The following ERCC5 variants were observed in gnomAD, a reference collection of about 807,000 sequenced individuals.
ERCC5 encodes DNA excision repair protein ERCC-5.
In ERCC5, 68 loss-of-function variants were observed where a neutral mutation model predicts 105.6. The observed-to-expected ratio is 0.64, with a 90% CI of 0.53 to 0.79. ERCC5 has a LOEUF of 0.79. ERCC5 is among the 30% of genes least tolerant of loss of function. The pLI is 0.00. For synonymous variants in ERCC5, 546 were observed against 526.2 expected (o/e 1.04, Z -0.51); for missense variants, 1,373 against 1,426.7 (o/e 0.96, Z 0.61).
chr13:102,855,899 G>T (rs1473121755), intron 4 of ERCC5, among the ~76,000 whole-genome samples, 153 bp from the exon 5 acceptor site: 1 of 152,150 alleles, frequency 6.6e-6, no homozygotes, highest in Non-Finnish European at 1.5e-5. Context: ...ACTTACACGT[G>T]TCCCCCACCA....
chr13:102,856,210 C>A, intron 5 of ERCC5, 98 bp downstream of exon 5: 1 of 1,323,538 alleles, frequency 7.6e-7, no homozygotes, highest in Non-Finnish European at 1.1e-6. Context: ...GTGAAAGTTC[C>A]TGATAAAAAG....
rs763645240 is a variant in ERCC5, at chr13:102,858,421, G to A, written c.672+3G>A. 1.2e-6 allele frequency: 2 copies of A among 1,614,102 alleles called. No individual in the cohort carries two copies. Among genetic ancestry groups the A allele is most frequent in the Non-Finnish European group, 1.7e-6 (2 of 1,179,998 alleles). ...CATTATTTGAAGCAATGCCAGAGGT[G>A]AAATATGCAACAGTACATTCATGCT... On this transcript the variant is annotated splice_donor_region_variant and intron_variant, in intron 6 of 14. Coordinates refer to ENST00000652225, the MANE Select transcript of ERCC5 (RefSeq NM_000123.4).
rs1882697457 is a variant in ERCC5, at chr13:102,862,923, G to T, written c.1774G>T (p.Val592Phe). 7.4e-6 allele frequency: 12 copies of T among 1,614,212 alleles called. No individual in the cohort carries two copies. The highest frequency in any genetic ancestry group is 9.3e-6 in the Non-Finnish European group (11 of 1,180,040). Residue 592 changes from valine to phenylalanine, a missense_variant, in exon 8 of 15, where the codon GTC becomes TTC. By Grantham distance (50) the Val-to-Phe change is conservative. This residue lies in a region of ERCC5 where 1,004 missense variants were observed against 1,059.7 expected (regional missense o/e 0.95). Transcript: ENST00000652225. ...SLQETSSIVS[V>F]PSEAVDNVEN... ...GCAAGAAACAAGTAGCATAGTAAGT[G>T]TCCCTTCAGAGGCAGTAGATAATGT...
chr13:102,849,793 T>C (rs1882129597), intron 1 of ERCC5, among the ~76,000 whole-genome samples: 1 of 152,186 alleles, frequency 6.6e-6, no homozygotes, highest in Non-Finnish European at 1.5e-5. Context: ...TTTTGTTCAG[T>C]GCACTGGATA....
At position 102,846,288 on chromosome 13, in the gene ERCC5, A is replaced by G; in HGVS notation, c.22A>G (p.Lys8Glu). The change falls in exon 1 of 15, where the codon AAG becomes GAG. Residue 8 changes from lysine to glutamate, a missense_variant. Coordinates refer to ENST00000652225, the MANE Select transcript of ERCC5 (RefSeq NM_000123.4). MGVQGLW[K>E]LLECSGRQVS... is the part of the protein sequence containing the mutation. ...CCTCATGGGGGTCCAGGGGCTCTGG[A>G]AGCTGCTGGAGTGCTCCGGGCGGCA... The G allele has an allele frequency of 6.2e-7, 1 of 1,613,782 alleles. No homozygotes were observed. The highest frequency in any genetic ancestry group is 1.1e-5 in the South Asian group (1 of 91,004).
intron 13 of ERCC5, 136 bp from the exon 14 acceptor site, chr13:102,873,123 T>C: frequency 1.1e-6 from 1 of 947,272 alleles, no homozygotes; most frequent in Non-Finnish European, 1.6e-6. Context: ...TACTTTCTTT[T>C]AGCACTCTAA....
In ERCC5 at chr13:102,861,695, A is replaced by G. The variant is rs769343328; in HGVS notation, c.861A>G (p.Ser287=). 1 of 1,614,188 alleles carries G rather than the reference A, an allele frequency of 6.2e-7. No homozygotes were observed. Among genetic ancestry groups the G allele is most frequent in the Non-Finnish European group, 8.5e-7 (1 of 1,180,016 alleles). The change falls in exon 7 of 15, where the codon TCA becomes TCG. Residue 287 remains serine, a synonymous_variant. Coordinates refer to ENST00000652225, the MANE Select transcript of ERCC5 (RefSeq NM_000123.4). The part of the protein sequence containing the change: ...ESRRVVSEDT[S]HYILIKGIQA... ...GGAGAGTGGTCTCTGAAGACACTTCACATTACATCTTGATAAAAGGTATCA... is the reference window on the plus strand; with the variant it reads ...GGAGAGTGGTCTCTGAAGACACTTCGCATTACATCTTGATAAAAGGTATCA...
chr13:102,864,020 G>C (rs1364703507), intron 8 of ERCC5, among the ~76,000 whole-genome samples: 1 of 151,968 alleles, frequency 6.6e-6, no homozygotes, highest in Non-Finnish European at 1.5e-5. Flanking sequence ...ATATGCATAT[G>C]TGTGTATATG....
intron 2 of ERCC5, 105 bp downstream of exon 2, chr13:102,852,398 CAG>C: frequency 7.4e-7 from 1 of 1,349,986 alleles, no homozygotes; most frequent in Non-Finnish European, 1.0e-6. Context: ...ATTTTAGAAA[CAG>C]ACTTATTTTG....
chr13:102,852,381 CT>C, intron 2 of ERCC5, 88 bp downstream of exon 2: 1 of 1,497,766 alleles, frequency 6.7e-7, no homozygotes, highest in Non-Finnish European at 9.1e-7. Context: ...TTTGTTTTCT[CT>C]TTAGAATTTT....
At position 102,862,306 on chromosome 13, in the gene ERCC5, G is replaced by T. The variant is rs41557512; in HGVS notation, c.1157G>T (p.Arg386Leu). 8 of 1,613,938 alleles carry T rather than the reference G, an allele frequency of 5.0e-6. No homozygotes were observed. The African/African-American group carries it at 6.7e-5, about 13-fold the overall frequency. ...AAVDEGSISP[R>L]TLSAIKRALD... Reference sequence around the variant, plus strand: ...GTAGACGAAGGCTCCATATCACCCCGGACTCTTTCAGCCATTAAGAGAGCT... The same window carrying T: ...GTAGACGAAGGCTCCATATCACCCCTGACTCTTTCAGCCATTAAGAGAGCT... Residue 386 changes from arginine (R) to leucine (L), a missense_variant, in exon 8 of 15, where the codon CGG becomes CTG. By Grantham distance (102) the Arg-to-Leu change is moderately radical (BLOSUM62 -2). Around this residue, in one of 3 missense-constraint regions of ERCC5, gnomAD observed 1,004 missense variants for 1,059.7 expected, o/e 0.95. Transcript: ENST00000652225.
chr13:102,866,456 A>G (rs1882844196), intron 10 of ERCC5, 75 bp downstream of exon 10: 1 of 1,612,928 alleles, frequency 6.2e-7, no homozygotes, highest in Admixed American at 1.7e-5. Context: ...TGAAGGGGGT[A>G]TGCACTGTGC....
chr13:102,858,504 A>G, intron 6 of ERCC5, 86 bp downstream of exon 6: 3 of 1,571,962 alleles, frequency 1.9e-6, no homozygotes, highest in South Asian at 1.1e-5. Context: ...TTGATAAGCA[A>G]TACTTACACG....
chr13:102,866,836 A>T lies in ERCC5; in HGVS notation c.2524A>T (p.Asn842Tyr). The change falls in exon 11 of 15, where the codon AAT becomes TAT. Residue 842 changes from asparagine to tyrosine, a missense_variant. By Grantham distance (143) the Asn-to-Tyr change is moderately radical. Around this residue, in one of 3 missense-constraint regions of ERCC5, gnomAD observed 1,004 missense variants for 1,059.7 expected, o/e 0.95. Transcript: ENST00000652225. ...VEYYQYVDFH[N>Y]QLGLDRNKLI... ...ATATTATCAATATGTGGACTTTCACAATCAATTGGGTAAGACTTCAGAGTC... is the reference window on the plus strand; with the variant it reads ...ATATTATCAATATGTGGACTTTCACTATCAATTGGGTAAGACTTCAGAGTC... 6.2e-7 allele frequency: 1 copy of T among 1,609,838 alleles called. No homozygotes were observed. The highest frequency in any genetic ancestry group is 8.5e-7 in the Non-Finnish European group (1 of 1,177,348).
chr13:102,873,383 G>A (rs1400622415), intron 14 of ERCC5, 40 bp downstream of exon 14: 9 of 1,611,568 alleles, frequency 5.6e-6, no homozygotes, highest in Non-Finnish European at 7.6e-6. Flanking sequence ...CAGGATGAAG[G>A]GTAGGCTGTG....
intron 14 of ERCC5, chr13:102,874,771 C>T (rs4150376): frequency 0.99 from 151,970 of 154,168 alleles, 74,926 homozygotes; most frequent in Middle Eastern, 1. Flanking sequence ...CCACCCACCT[C>T]GGCCTCCCAG....
intron 1 of ERCC5, among the ~76,000 whole-genome samples, chr13:102,848,667 T>C (rs2140513871): frequency 6.6e-6 from 1 of 152,238 alleles, no homozygotes; most frequent in South Asian, 2.1e-4. Flanking sequence ...GATTTTAACT[T>C]TTCTGTCCGC....
At chr13:102,872,775 A>C (rs1883077550) in intron 13 of ERCC5, among the ~76,000 whole-genome samples, 1 of 152,234 alleles carries the variant, frequency 6.6e-6, no homozygotes, top group Non-Finnish European at 1.5e-5. Context: ...AGTGATAAGC[A>C]TTCATAGATA....
chr13:102,862,112 G>A lies in ERCC5; in HGVS notation c.963G>A (p.Val321=). 6.2e-7 allele frequency: 1 copy of A among 1,614,214 alleles called. No individual in the cohort carries two copies. The highest frequency in any genetic ancestry group is 8.5e-7 in the Non-Finnish European group (1 of 1,180,040). ...AAATGCACGGCATGTCTTTTGACGT[G>A]AAGTCATCTCCATGTGAAAAACTGA... ...SSKMHGMSFD[V]KSSPCEKLKT... Residue 321 remains valine (V), a synonymous_variant, in exon 8 of 15, where the codon GTG becomes GTA. Coordinates refer to ENST00000652225, the MANE Select transcript of ERCC5 (RefSeq NM_000123.4).
Sources: gnomAD v4.1 joint callset for allele counts (sites outside exome capture counted in the v4.1 genomes callset) on GRCh38, gnomAD v4.1.1 for gene constraint, gnomAD v4.1.1 regional missense constraint, MANE v1.5 for transcripts, NCBI Gene and HGNC (gene_info 2026-07-23, HGNC 2026-07-21) for gene names.